Variants in OGFOD1 observed in about 807,000 individuals in gnomAD.
OGFOD1 encodes the protein 2-oxoglutarate and iron dependent oxygenase domain containing 1.
A neutral mutation model predicts 67.7 loss-of-function variants in OGFOD1; 54 were observed. The ratio of observed to expected loss-of-function variants is 0.80; its 90% CI spans 0.64 to 1.00. OGFOD1 has a LOEUF of 1.00. Among genes scored for constraint, OGFOD1 ranks in the 50% least tolerant of loss-of-function variants. OGFOD1 has a pLI of 0.00. For missense variants in OGFOD1, 606 were observed against 646.7 expected, an observed-to-expected ratio of 0.94 and a Z score of 0.68; for synonymous variants, 221 against 227.0, an observed-to-expected ratio of 0.97 and a Z score of 0.24.
intron 8 of OGFOD1, among the ~76,000 whole-genome samples, chr16:56,469,794 G>C (rs1344344312): frequency 1.3e-5 from 2 of 150,526 alleles, no homozygotes; most frequent in East Asian, 3.9e-4. Flanking sequence ...AGGTTGTGGT[G>C]GGCCGAGATC....
rs777584325 is a variant in OGFOD1, at chr16:56,470,763, AG to A, written c.1258del (p.Glu420SerfsTer20). The A allele has an allele frequency of 1.9e-6, 3 of 1,603,520 alleles. No homozygotes were observed. The East Asian group carries it at 6.7e-5, about 36-fold the overall frequency. On this transcript the variant is annotated frameshift_variant, in exon 10 of 13. Coordinates refer to ENST00000566157, the MANE Select transcript of OGFOD1 (RefSeq NM_018233.4). LOFTEE classifies it high-confidence loss of function. ...SQQSNEQTDP[E>X]PEENETKKES... ...AACAGAGCAATGAGCAGACAGACCCAGAGCCAGAGGAAAATGAAACAAAGAA... is the reference window on the plus strand; with the variant it reads ...AACAGAGCAATGAGCAGACAGACCCAAGCCAGAGGAAAATGAAACAAAGAA...
At chr16:56,475,628 G>C in intron 12 of OGFOD1, 63 bp downstream of exon 12, 4 of 1,443,174 alleles carry the variant, frequency 2.8e-6, no homozygotes, top group Non-Finnish European at 3.9e-6. Context: ...ATTTTTCAAA[G>C]ACCCAATTTT....
Position 56,478,178 on chromosome 16 carries a change from A to AGAT in OGFOD1, c.*1975_*1977dup, listed in dbSNP as rs1963559403. 6.6e-6 allele frequency: 1 copy of AGAT among 151,948 alleles called. No homozygotes were observed. Among genetic ancestry groups the AGAT allele is most frequent in the African/African-American group, 2.4e-5 (1 of 41,354 alleles). The allele number at this position is 151,948 out of a possible 1,614,324, so 9.4% of individuals were successfully genotyped here. On this transcript the variant is annotated 3_prime_UTR_variant, in exon 13 of 13. Transcript: ENST00000566157. Reference sequence around the variant, plus strand: ...GAGACCACAATTTTTTTTGCGTTTGAGATGGAGTCTCACTCTGTGGCCCAG... The same window carrying AGAT: ...GAGACCACAATTTTTTTTGCGTTTGAGATGATGGAGTCTCACTCTGTGGCCCAG...
chr16:56,464,353 A>G (rs1962824552), intron 4 of OGFOD1, among the ~76,000 whole-genome samples: 4 of 152,090 alleles, frequency 2.6e-5, no homozygotes. Context: ...CTTTTTCCCT[A>G]TCAGTATATA....
intron 12 of OGFOD1, 93 bp from the exon 13 acceptor site, chr16:56,475,951 C>A: frequency 8.5e-7 from 1 of 1,179,648 alleles, no homozygotes; most frequent in Non-Finnish European, 1.2e-6. Context: ...AGATTAAGTG[C>A]TTGATATGGA....
At chr16:56,468,086 T>C (rs1335363188) in intron 8 of OGFOD1, 68 bp downstream of exon 8, 28 of 765,538 alleles carry the variant, frequency 3.7e-5, no homozygotes, top group African/African-American at 1.6e-4. Context: ...AATGGGTGAA[T>C]AGGCATCACT....
chr16:56,453,876 T>G (rs988274403), intron 2 of OGFOD1, among the ~76,000 whole-genome samples: 14 of 152,234 alleles, frequency 9.2e-5, no homozygotes, highest in Admixed American at 9.2e-4. Context: ...AGCAACGTGA[T>G]CTTTCCAGTT....
intron 1 of OGFOD1, chr16:56,452,012 A>G (rs1266454713): frequency 2.1e-5 from 10 of 478,304 alleles, no homozygotes; most frequent in African/African-American, 7.8e-5. Flanking sequence ...GAGGGTATGC[A>G]AGAGATAGTT....
At chr16:56,455,497 A>G (rs1962496461) in intron 2 of OGFOD1, among the ~76,000 whole-genome samples, 1 of 151,994 alleles carries the variant, frequency 6.6e-6, no homozygotes, top group African/African-American at 2.4e-5. Context: ...ACTGTGAATA[A>G]TTTTTACTGT....
At chr16:56,463,006 A>G (rs1186957499) in intron 4 of OGFOD1, among the ~76,000 whole-genome samples, 3 of 152,204 alleles carry the variant, frequency 2.0e-5, no homozygotes, top group Admixed American at 6.5e-5. Flanking sequence ...TTTGAAGGCA[A>G]TAAGTGAATG....
At position 56,478,142 on chromosome 16, in the gene OGFOD1, A is replaced by G. The variant is rs1385681866; in HGVS notation, c.*1937A>G. 1 of 152,224 alleles carries G rather than the reference A, an allele frequency of 6.6e-6. No homozygotes were observed. Among genetic ancestry groups the G allele is most frequent in the African/African-American group, 2.4e-5 (1 of 41,554 alleles). The allele number at this position is 152,224 out of a possible 1,614,324, so 9.4% of individuals were successfully genotyped here. On this transcript the variant is annotated 3_prime_UTR_variant, in exon 13 of 13. Transcript: ENST00000566157. ...ATATGGTAACGAACCATTTTACACC[A>G]TACTATTTTGGAGACCACAATTTTT...
intron 4 of OGFOD1, chr16:56,465,676 A>C (rs1174476429): frequency 6.5e-6 from 1 of 153,986 alleles, no homozygotes; most frequent in African/African-American, 2.4e-5. Flanking sequence ...CAAGAAATAG[A>C]AACAACTTAA....
At chr16:56,466,108 G>A (rs763262258) in intron 4 of OGFOD1, 44 bp from the exon 5 acceptor site, 28 of 1,391,496 alleles carry the variant, frequency 2.0e-5, no homozygotes, top group Non-Finnish European at 2.9e-5. Flanking sequence ...GTGTCAGCTG[G>A]TCACTATCTG....
At chr16:56,466,095 C>A in intron 4 of OGFOD1, 57 bp from the exon 5 acceptor site, 1 of 1,182,304 alleles carries the variant, frequency 8.5e-7, no homozygotes, top group South Asian at 1.2e-5. Context: ...AATGCAGAGT[C>A]AGGTGTCAGC....
rs1445278917 is a variant in OGFOD1, at chr16:56,462,597, A to C, written c.411A>C (p.Ser137=). Residue 137 remains serine, a synonymous_variant, in exon 4 of 13, where the codon TCA becomes TCC. Transcript: ENST00000566157. ...ATATTTCTAAAATTGACCTGGAATC[A>C]ACCATTGACATGTCCTGTGCTAAAT... ...LSDISKIDLE[S]TIDMSCAKYE... is the part of the protein sequence containing the mutation. 3.1e-6 allele frequency: 5 copies of C among 1,612,174 alleles called. No individual in the cohort carries two copies. The highest frequency in any genetic ancestry group is 4.2e-6 in the Non-Finnish European group (5 of 1,178,464).
chr16:56,466,377 A>G lies in OGFOD1; in HGVS notation c.565+109A>G, dbSNP rs2144012806. 1.0e-5 allele frequency: 7 copies of G among 672,984 alleles called. No homozygotes were observed. In the South Asian group the frequency reaches 1.1e-4, roughly 11 times the overall value. The allele number at this position is 672,984 out of a possible 1,614,324, so 41.7% of individuals were successfully genotyped here. A position where few individuals can be genotyped will look rare whatever the true frequency, so the allele number is the denominator to read the frequency against. On this transcript the variant is annotated intron_variant, in intron 5 of 12. Coordinates refer to ENST00000566157, the MANE Select transcript of OGFOD1 (RefSeq NM_018233.4). Reference sequence around the variant, plus strand: ...ATACAATGTCTGTACTCCTCAAAGGAAGTGGAAGCTATTTATTATAGTAAC... The same window carrying G: ...ATACAATGTCTGTACTCCTCAAAGGGAGTGGAAGCTATTTATTATAGTAAC...
Position 56,457,878 on chromosome 16 carries a change from C to T in OGFOD1, c.301-670C>T, listed in dbSNP as rs148514554. Among the ~76,000 whole-genome samples, 454 of 152,282 alleles carry T rather than the reference C, an allele frequency of 3.0e-3. 3 individuals are homozygous for T. The highest frequency in any genetic ancestry group is 0.01 in the African/African-American group (431 of 41,546). ...TATTTTTAGTAGAGACAGGGTTTCA[C>T]CACGTTGGTCAGGCTGGTCTCGAAC... On this transcript the variant is annotated intron_variant, in intron 2 of 12. Coordinates refer to ENST00000566157, the MANE Select transcript of OGFOD1 (RefSeq NM_018233.4).
rs1184430225 is a variant in OGFOD1 at position 56,451,755 on chromosome 16, C to G, written c.143C>G (p.Pro48Arg). Residue 48 changes from proline to arginine, a missense_variant, in exon 1 of 13, where the codon CCG becomes CGG. Transcript: ENST00000566157. ...GCTGAGGCCTGGAGCCGCAGGACGC[C>G]GTTCAGTCACGGTAACCGGGTGCTC... ...QVAEAWSRRT[P>R]FSHEVIVMDM... 6 of 1,612,566 alleles carry G rather than the reference C, an allele frequency of 3.7e-6. No individual in the cohort carries two copies. Among genetic ancestry groups the G allele is most frequent in the Admixed American group, 1.7e-5 (1 of 60,024 alleles).
chr16:56,473,037 T>C (rs748829486), intron 10 of OGFOD1, among the ~76,000 whole-genome samples: 7 of 152,168 alleles, frequency 4.6e-5, no homozygotes, highest in Non-Finnish European at 1.0e-4. Context: ...TTCAAGCGAT[T>C]CTCCTGCCTC....
Sources: gnomAD v4.1 joint callset for allele counts (sites outside exome capture counted in the v4.1 genomes callset) on GRCh38, gnomAD v4.1.1 for gene constraint, MANE v1.5 for transcripts, NCBI Gene and HGNC (gene_info 2026-07-23, HGNC 2026-07-21) for gene names.